The following PTPRB variants were observed in gnomAD, a reference collection of about 807,000 sequenced individuals.
The protein encoded by PTPRB is receptor-type tyrosine-protein phosphatase beta.
In PTPRB, 97 loss-of-function variants were observed where a neutral mutation model predicts 238.1. The observed-to-expected ratio is 0.41, with a 90% confidence interval of 0.35 to 0.48. PTPRB has a LOEUF of 0.48. Among genes scored for constraint, PTPRB ranks in the 20% least tolerant of loss-of-function variants. PTPRB has a pLI of 0.30. For missense variants in PTPRB, 2,292 were observed against 2,681.9 expected (o/e 0.85, Z 3.21); for synonymous variants, 970 against 995.4 (o/e 0.97, Z 0.48).
In PTPRB at chr12:70,555,170, T is replaced by C. The variant is rs755601413; in HGVS notation, c.5133A>G (p.Arg1711=). ...GAVKYFTVVV[R]EADGSDELKP... ...CTCATGATAACTTACCATCAGCCTC[T>C]CTCACCACCACTGTGAAGTATTTCA... Residue 1711 remains arginine, a synonymous_variant, in exon 20 of 34, where the codon AGA becomes AGG. Transcript: ENST00000334414. 6.2e-7 allele frequency: 1 copy of C among 1,613,440 alleles called. No homozygotes were observed. Among genetic ancestry groups the C allele is most frequent in the East Asian group, 2.2e-5 (1 of 44,828 alleles).
intron 14 of PTPRB, among the ~76,000 whole-genome samples, chr12:70,567,616 G>C (rs1879474188): frequency 6.6e-6 from 1 of 152,164 alleles, no homozygotes; most frequent in Admixed American, 6.5e-5. Flanking sequence ...CCTTTAGCAA[G>C]TATAAATGAG....
At chr12:70,534,126 G>A (rs1873717394) in intron 31 of PTPRB, among the ~76,000 whole-genome samples, 1 of 152,206 alleles carries the variant, frequency 6.6e-6, no homozygotes, top group Non-Finnish European at 1.5e-5. Flanking sequence ...TTCCTGGCTA[G>A]AATGTGAAGG....
intron 26 of PTPRB, 116 bp from the exon 27 acceptor site, chr12:70,539,130 A>G (rs1214182259): frequency 8.6e-6 from 7 of 811,722 alleles, no homozygotes; most frequent in Middle Eastern, 2.2e-4. Flanking sequence ...ATTGTTTATG[A>G]ATGCCTAGTA....
At chr12:70,575,458 G>T (rs1018661648) in intron 11 of PTPRB, among the ~76,000 whole-genome samples, 1 of 152,100 alleles carries the variant, frequency 6.6e-6, no homozygotes, top group Non-Finnish European at 1.5e-5. Flanking sequence ...AATTTCAGGG[G>T]TTACTACATT....
chr12:70,520,276 G>C lies in PTPRB; in HGVS notation c.*1213C>G, dbSNP rs1455405265. On this transcript the variant is annotated 3_prime_UTR_variant, in exon 34 of 34. Transcript: ENST00000334414. ...AATTTGTTATAGTCAAAGTAAGTAA[G>C]GCACAAATATTGAAGATAAACTTGG... 2.2e-6 allele frequency: 1 copy of C among 454,058 alleles called. No homozygotes were observed. The highest frequency in any genetic ancestry group is 6.8e-5 in the East Asian group (1 of 14,806). The allele number at this position is 454,058 out of a possible 1,614,324, so 28.1% of individuals were successfully genotyped here. A position where few individuals can be genotyped will look rare whatever the true frequency, so the allele number is the denominator to read the frequency against.
chr12:70,580,683 G>A (rs1881282215), intron 10 of PTPRB, among the ~76,000 whole-genome samples: 1 of 152,140 alleles, frequency 6.6e-6, no homozygotes, highest in Non-Finnish European at 1.5e-5. Flanking sequence ...GCAGGGCGTG[G>A]TGGCACACGC....
intron 9 of PTPRB, among the ~76,000 whole-genome samples, chr12:70,584,389 C>T (rs939414456): frequency 1.3e-5 from 2 of 152,066 alleles, no homozygotes; most frequent in Non-Finnish European, 2.9e-5. Context: ...TAGAAAGACA[C>T]TAGTTGGAAA....
chr12:70,606,912 C>A (rs1265858778), intron 4 of PTPRB, among the ~76,000 whole-genome samples: 1 of 152,192 alleles, frequency 6.6e-6, no homozygotes, highest in East Asian at 1.9e-4. Context: ...TATGCAAATA[C>A]CACCTGCAAC....
At chr12:70,574,408 A>G (rs1394138947) in intron 11 of PTPRB, among the ~76,000 whole-genome samples, 2 of 152,236 alleles carry the variant, frequency 1.3e-5, no homozygotes, top group African/African-American at 4.8e-5. Context: ...CAGTGTTGTT[A>G]GAATACAGTC....
At chr12:70,566,130 T>C (rs991833) in intron 15 of PTPRB, among the ~76,000 whole-genome samples, 32,817 of 152,116 alleles carry the variant, frequency 0.22, 4,261 homozygotes, top group African/African-American at 0.36. Context: ...GATTCTAATC[T>C]TCAGGACTAG....
At position 70,516,034 on chromosome 12, in the gene PTPRB, T is replaced by C. The variant is rs1871179911; in HGVS notation, c.*5455A>G. On this transcript the variant is annotated 3_prime_UTR_variant, in exon 34 of 34. Transcript: ENST00000334414. ...TTGTTCAAATACAGTTAGTTAGAAA[T>C]ATTGTGGGTAGATGCTATAATATGA... 6.6e-6 allele frequency: 1 copy of C among 152,118 alleles called. No homozygotes were observed. Among genetic ancestry groups the C allele is most frequent in the African/African-American group, 2.4e-5 (1 of 41,424 alleles). 9.4% of individuals were successfully genotyped at this position (152,118 alleles called of 1,614,324 possible).
chr12:70,539,534 C>T (rs1413164444), intron 26 of PTPRB, 91 bp downstream of exon 26: 21 of 1,045,192 alleles, frequency 2.0e-5, no homozygotes, highest in Non-Finnish European at 3.0e-5. Context: ...AACTTCTGAG[C>T]TCAATCAGCC....
intron 16 of PTPRB, among the ~76,000 whole-genome samples, chr12:70,561,225 T>C (rs10879162): frequency 0.2 from 31,118 of 152,108 alleles, 3,344 homozygotes; most frequent in South Asian, 0.3. Context: ...ATTTAGCTTA[T>C]GAAAAAGGCC....
chr12:70,562,819 A>G, intron 16 of PTPRB, 25 bp downstream of exon 16: 1 of 1,607,334 alleles, frequency 6.2e-7, no homozygotes, highest in East Asian at 2.2e-5. Context: ...CCCACGATTC[A>G]TTACTGCTTG....
At chr12:70,571,459 A>G in intron 12 of PTPRB, 170 bp from the exon 13 acceptor site, 1 of 695,822 alleles carries the variant, frequency 1.4e-6, no homozygotes, top group Non-Finnish European at 2.3e-6. Flanking sequence ...AACTATTAAC[A>G]TTGTGGTTTT....
At chr12:70,522,137 G>A (rs1338252678) in intron 33 of PTPRB, among the ~76,000 whole-genome samples, 1 of 152,084 alleles carries the variant, frequency 6.6e-6, no homozygotes, top group Non-Finnish European at 1.5e-5. Flanking sequence ...TAACATACTG[G>A]CTAGGCTGGG....
intron 19 of PTPRB, 146 bp downstream of exon 19, chr12:70,555,724 C>T: frequency 1.9e-6 from 2 of 1,033,962 alleles, no homozygotes; most frequent in Non-Finnish European, 2.7e-6. Flanking sequence ...ACTTTTAGGT[C>T]CTCCTCTCCA....
Position 70,562,900 on chromosome 12 carries a change from A to G in PTPRB, c.4112T>C (p.Val1371Ala), listed in dbSNP as rs780397716. Residue 1371 changes from valine (V) to alanine (A), a missense_variant, in exon 16 of 34, where the codon GTG becomes GCG. Physicochemically the swap from Val to Ala is moderately conservative, Grantham distance 64. This residue lies in a region of PTPRB where 683 missense variants were observed against 862.0 expected (regional missense o/e 0.79). Transcript: ENST00000334414. ...NLLQGRMYKM[V>A]IVTHSGELSN... The stretch of plus-strand genomic sequence containing the variant: ...CAGCTCCCCACTGTGAGTTACAATC[A>G]CCATCTTGTACATTCTGCCTTGTAG... The G allele has an allele frequency of 6.2e-7, 1 of 1,613,974 alleles. No individual in the cohort carries two copies. The highest frequency in any genetic ancestry group is 1.3e-5 in the African/African-American group (1 of 75,048).
At chr12:70,544,726 T>G (rs1386833269) in intron 21 of PTPRB, 63 bp from the exon 22 acceptor site, 5 of 1,157,556 alleles carry the variant, frequency 4.3e-6, no homozygotes, top group Non-Finnish European at 4.8e-6. Context: ...CTGAAAAATG[T>G]GTTCAAGGAG....
Sources: allele counts gnomAD v4.1 joint callset (sites outside exome capture counted in the v4.1 genomes callset), GRCh38; gene constraint gnomAD v4.1.1; regional missense constraint gnomAD v4.1.1; transcripts MANE v1.5; gene names NCBI Gene and HGNC (gene_info 2026-07-23, HGNC 2026-07-21).